The following RTN4R variants were observed in gnomAD, a reference collection of about 807,000 sequenced individuals.
The protein encoded by RTN4R is reticulon-4 receptor.
Under a neutral mutation model 27.7 loss-of-function variants are expected in RTN4R, and 4 were observed. The observed-to-expected ratio is 0.14, with a 90% CI of 0.07 to 0.33. The LOEUF (loss-of-function observed/expected upper bound fraction) is 0.33, where lower values mean the gene tolerates loss of function less well. Among genes scored for constraint, RTN4R ranks in the 10% least tolerant of loss-of-function variants. The pLI is 1.00. For missense variants in RTN4R, 554 were observed against 671.5 expected (o/e 0.83, Z 1.93); for synonymous variants, 290 against 305.6 (o/e 0.95, Z 0.53).
intron 1 of RTN4R, among the ~76,000 whole-genome samples, chr22:20,262,784 C>G (rs1270088382): frequency 6.6e-6 from 1 of 152,272 alleles, no homozygotes; most frequent in Admixed American, 6.5e-5. Context: ...GGTCACACAG[C>G]AAGCCAGCAC....
rs1249413063 is a variant in RTN4R, at chr22:20,255,917, G to A, written c.22+12154C>T. On this transcript the variant is annotated intron_variant, in intron 1 of 1. Transcript: ENST00000043402. The surrounding 1 kb of genome is among the most constrained non-coding windows in gnomAD (Gnocchi z 4.8). Reference sequence around the variant, plus strand: ...CGTCTCCACAACCAAACCGAGGCACGCACGCAGCGGCGACGTGAATAAGTA... The same window carrying A: ...CGTCTCCACAACCAAACCGAGGCACACACGCAGCGGCGACGTGAATAAGTA... Among the ~76,000 whole-genome samples, 4 of 152,246 alleles carry A rather than the reference G, an allele frequency of 2.6e-5. No homozygotes were observed. Among genetic ancestry groups the A allele is most frequent in the African/African-American group, 7.2e-5 (3 of 41,458 alleles).
At position 20,257,320 on chromosome 22, in the gene RTN4R, G is replaced by A. The variant is rs1034910669; in HGVS notation, c.22+10751C>T. Among the ~76,000 whole-genome samples the A allele has an allele frequency of 2.6e-5, 4 of 152,316 alleles. No homozygotes were observed. The East Asian group carries it at 5.8e-4, about 22-fold the overall frequency. ...TGCGTCTCCCCCAGATTCACGTGTC[G>A]AAGCCCTAACCCCCAGTGTGATGGT... is the stretch of plus-strand genomic sequence containing the variant. On this transcript the variant is annotated intron_variant, in intron 1 of 1. Coordinates refer to ENST00000043402, the MANE Select transcript of RTN4R (RefSeq NM_023004.6).
chr22:20,242,681 C>T lies in RTN4R; in HGVS notation c.452G>A (p.Arg151His), dbSNP rs372165922. The change falls in exon 2 of 2, where the codon CGC becomes CAC. Residue 151 changes from arginine (R) to histidine (H), a missense_variant. Arg to His is a conservative substitution (Grantham distance 29). Around this residue, in one of 2 missense-constraint regions of RTN4R, gnomAD observed 413 missense variants for 542.3 expected, o/e 0.76. Coordinates refer to ENST00000043402, the MANE Select transcript of RTN4R (RefSeq NM_023004.6). ...GAGGTACTGCAGGGCAGCCAGGCCG[C>T]GGAACAGCCCCGGGCCCAGCTCCTG... ...GLQELGPGLFRGLAALQYLYL... is the reference protein window; with the variant it reads ...GLQELGPGLFHGLAALQYLYL... The T allele has an allele frequency of 5.8e-5, 93 of 1,612,366 alleles. No homozygotes were observed. The highest frequency in any genetic ancestry group is 1.1e-4 in the East Asian group (5 of 44,888).
chr22:20,245,873 C>T (rs928222760), intron 1 of RTN4R, among the ~76,000 whole-genome samples: 1 of 152,208 alleles, frequency 6.6e-6, no homozygotes, highest in Non-Finnish European at 1.5e-5. Context: ...AGCAACCAGC[C>T]CTGCCATGGC....
intron 1 of RTN4R, among the ~76,000 whole-genome samples, chr22:20,267,156 T>G (rs1487476812): frequency 6.6e-6 from 1 of 152,218 alleles, no homozygotes; most frequent in Non-Finnish European, 1.5e-5. Context: ...GTGCACCCAG[T>G]GTTTGTGCAT....
chr22:20,244,723 C>A (rs77503681), intron 1 of RTN4R, among the ~76,000 whole-genome samples: 1 of 152,198 alleles, frequency 6.6e-6, no homozygotes, highest in East Asian at 1.9e-4. Flanking sequence ...CTGCTGTCAC[C>A]AGAGGGAAAA....
intron 1 of RTN4R, among the ~76,000 whole-genome samples, chr22:20,263,493 C>T (rs12166302): frequency 0.012 from 1,889 of 152,370 alleles, 42 homozygotes; most frequent in African/African-American, 0.043. Flanking sequence ...AGAATTTCAA[C>T]TCCATGGACC....
In RTN4R at chr22:20,242,924, G is replaced by C. The variant is rs766056501; in HGVS notation, c.209C>G (p.Ser70Trp). ...QRIFLHGNRISHVPAASFRAC... is the reference protein window; with the variant it reads ...QRIFLHGNRIWHVPAASFRAC... ...ACGGAAGCTGGCAGCTGGCACATGC[G>C]AGATGCGGTTGCCGTGCAGGAAGAT... The change falls in exon 2 of 2, where the codon TCG becomes TGG. Residue 70 changes from serine (S) to tryptophan (W), a missense_variant. Transcript: ENST00000043402. 4 of 1,612,102 alleles carry C rather than the reference G, an allele frequency of 2.5e-6. No homozygotes were observed. Among genetic ancestry groups the C allele is most frequent in the African/African-American group, 2.7e-5 (2 of 74,926 alleles).
chr22:20,259,399 T>C (rs2051231488), intron 1 of RTN4R, among the ~76,000 whole-genome samples: 1 of 152,138 alleles, frequency 6.6e-6, no homozygotes, highest in African/African-American at 2.4e-5. Context: ...CTGACATAAA[T>C]TGGGGCCGAG....
In RTN4R at chr22:20,268,304, GCGGCGGC is replaced by G. The variant is rs1569044627; in HGVS notation, c.-219_-213del. The G allele has an allele frequency of 1.5e-4, 22 of 143,062 alleles. No homozygotes were observed. The highest frequency in any genetic ancestry group is 2.3e-4 in the Non-Finnish European group (15 of 64,466). 8.9% of individuals were successfully genotyped at this position (143,062 alleles called of 1,614,324 possible). A position where few individuals can be genotyped will look rare whatever the true frequency, so the allele number is the denominator to read the frequency against. On this transcript the variant is annotated 5_prime_UTR_variant, in exon 1 of 2. Transcript: ENST00000043402. ...GCGCAGGGCGCACAGGGCGAGGGCG[GCGGCGGC>G]GCGGGGGTTGGGGCGTGGGCGGCGC... is the stretch of plus-strand genomic sequence containing the variant.
At position 20,242,195 on chromosome 22, in the gene RTN4R, G is replaced by A. The variant is rs774673101; in HGVS notation, c.938C>T (p.Thr313Ile). ...ANDLQGCAVA[T>I]GPYHPIWTGR... ...GGTCCAGATGGGATGGTAAGGGCCG[G>A]TGGCCACAGCGCAGCCCTGCAGGTC... Residue 313 changes from threonine to isoleucine, a missense_variant, in exon 2 of 2, where the codon ACC becomes ATC. Thr to Ile is a moderately conservative substitution (Grantham distance 89, BLOSUM62 -1). Around this residue, in one of 2 missense-constraint regions of RTN4R, gnomAD observed 413 missense variants for 542.3 expected, o/e 0.76. Transcript: ENST00000043402. 6.2e-7 allele frequency: 1 copy of A among 1,610,268 alleles called. No individual in the cohort carries two copies. Among genetic ancestry groups the A allele is most frequent in the South Asian group, 1.1e-5 (1 of 90,736 alleles).
chr22:20,267,429 T>A (rs576976071), intron 1 of RTN4R, among the ~76,000 whole-genome samples: 410 of 151,848 alleles, frequency 2.7e-3, no homozygotes, highest in Non-Finnish European at 5.0e-3. Context: ...TAGGGAGGGG[T>A]TGCTGATTGC....
chr22:20,242,752 G>A lies in RTN4R; in HGVS notation c.381C>T (p.His127=), dbSNP rs148302974. Residue 127 remains histidine (H), a synonymous_variant, in exon 2 of 2, where the codon CAC becomes CAT. Coordinates refer to ENST00000043402, the MANE Select transcript of RTN4R (RefSeq NM_023004.6). ...GCAGCGTGTGTAGGCGGCCCAGGCC[G>A]TGGAATGTGGCAGGGTCCACAGACC... The part of the protein sequence containing the change: ...QLRSVDPATF[H]GLGRLHTLHL... 1.1e-5 allele frequency: 17 copies of A among 1,612,640 alleles called. No homozygotes were observed. The highest frequency in any genetic ancestry group is 5.3e-5 in the African/African-American group (4 of 74,944).
intron 1 of RTN4R, among the ~76,000 whole-genome samples, chr22:20,252,090 C>T (rs2051187094): frequency 3.6e-5 from 2 of 56,004 alleles, no homozygotes; most frequent in South Asian, 5.6e-4. Flanking sequence ...TCATCACCAT[C>T]GTCCTCATCA....
intron 1 of RTN4R, among the ~76,000 whole-genome samples, chr22:20,246,462 G>A (rs1200512608): frequency 6.7e-6 from 1 of 150,002 alleles, no homozygotes; most frequent in Non-Finnish European, 1.5e-5. Flanking sequence ...GAGGAGGTGG[G>A]AGGAGAGCGA....
chr22:20,265,040 G>A (rs1046011926), intron 1 of RTN4R, among the ~76,000 whole-genome samples: 1 of 152,214 alleles, frequency 6.6e-6, no homozygotes, highest in African/African-American at 2.4e-5. Flanking sequence ...CAAGGCTCCC[G>A]GTGAGAGGTT....
chr22:20,258,793 CTGGAG>C (rs1693204700), intron 1 of RTN4R, among the ~76,000 whole-genome samples: 1 of 152,184 alleles, frequency 6.6e-6, no homozygotes, highest in African/African-American at 2.4e-5. Context: ...ACCCTGCCTC[CTGGAG>C]TGCTCTGCCT....
At chr22:20,259,780 T>C (rs2051234100) in intron 1 of RTN4R, among the ~76,000 whole-genome samples, 1 of 152,128 alleles carries the variant, frequency 6.6e-6, no homozygotes, top group Non-Finnish European at 1.5e-5. Flanking sequence ...GTCCTCAACC[T>C]CACCCCCGCT....
intron 1 of RTN4R, 37 bp downstream of exon 1, chr22:20,268,034 G>T: frequency 8.7e-7 from 1 of 1,148,582 alleles, no homozygotes; most frequent in Non-Finnish European, 1.1e-6. Flanking sequence ...TCCGCGCCCC[G>T]CCGCCGGCCG....
Sources: allele counts gnomAD v4.1 joint callset (sites outside exome capture counted in the v4.1 genomes callset), GRCh38; gene constraint gnomAD v4.1.1; regional missense constraint gnomAD v4.1.1; non-coding constraint Gnocchi (gnomAD v3.1); transcripts MANE v1.5; gene names NCBI Gene and HGNC (gene_info 2026-07-23, HGNC 2026-07-21).